Variants in TTC7A observed in about 807,000 individuals in gnomAD.
The protein encoded by TTC7A is tetratricopeptide repeat domain 7A.
TTC7A carries 110 observed loss-of-function variants against 103.7 expected under a neutral mutation model. The observed-to-expected ratio is 1.06, with a 90% CI of 0.91 to 1.24. The LOEUF is 1.24. Among genes scored for constraint, TTC7A ranks in the 50% most tolerant of loss-of-function variants. The probability of loss-of-function intolerance (pLI) is 0.00; values close to 1 mark genes in which losing one functional copy is unlikely to be tolerated. For synonymous variants in TTC7A, 521 were observed against 467.9 expected (o/e 1.11, Z -1.47); for missense variants, 1,340 against 1,116.3 (o/e 1.20, Z -2.86).
intron 4 of TTC7A, among the ~76,000 whole-genome samples, chr2:46,977,264 C>T (rs1346279602): frequency 1.3e-5 from 2 of 152,192 alleles, no homozygotes; most frequent in Non-Finnish European, 2.9e-5. Context: ...GAGGGCAGGC[C>T]ACAGAATCTT....
chr2:47,004,141 A>T (rs1025774128), intron 8 of TTC7A, among the ~76,000 whole-genome samples: 1 of 152,124 alleles, frequency 6.6e-6, no homozygotes, highest in African/African-American at 2.4e-5. Flanking sequence ...ATTTCCGGGC[A>T]TCCCGGCACC....
At chr2:46,974,546 A>G in intron 3 of TTC7A, 2 of 416,946 alleles carry the variant, frequency 4.8e-6, no homozygotes, top group South Asian at 1.8e-5. Context: ...CTTGCTGTGT[A>G]GGGAGTGTCT....
chr2:46,987,707 C>T (rs910087080), intron 5 of TTC7A, among the ~76,000 whole-genome samples: 1 of 152,064 alleles, frequency 6.6e-6, no homozygotes, highest in East Asian at 1.9e-4. Flanking sequence ...CTCACTGCAC[C>T]AAAATCAAAC....
In TTC7A at chr2:47,074,167, T is replaced by TGA. The variant is rs1262126235; in HGVS notation, c.*245_*246dup. 1.8e-6 allele frequency: 1 copy of TGA among 543,284 alleles called. No homozygotes were observed. The highest frequency in any genetic ancestry group is 3.2e-5 in the East Asian group (1 of 31,418). The allele number at this position is 543,284 out of a possible 1,614,324, so 33.7% of individuals were successfully genotyped here. A position where few individuals can be genotyped will look rare whatever the true frequency, so the allele number is the denominator to read the frequency against. On this transcript the variant is annotated 3_prime_UTR_variant, in exon 20 of 20. Coordinates refer to ENST00000319190, the MANE Select transcript of TTC7A (RefSeq NM_020458.4). ...TAAGTGCCTTTGGAGAGTTTTGTGG[T>TGA]GACCAGACTTGCTCCCCAAGAGCTG... is the stretch of plus-strand genomic sequence containing the variant.
At chr2:47,034,750 C>G (rs1037499525) in intron 15 of TTC7A, among the ~76,000 whole-genome samples, 2 of 152,174 alleles carry the variant, frequency 1.3e-5, no homozygotes, top group African/African-American at 4.8e-5. Flanking sequence ...CTTCCCACCC[C>G]CTGGAACCTC....
At position 47,014,018 on chromosome 2, in the gene TTC7A, T is replaced by C. The variant is rs768193330; in HGVS notation, c.1392+2583T>C. On this transcript the variant is annotated intron_variant, in intron 11 of 19. Transcript: ENST00000319190. ...TGTCTTGGATACAGATCACATCACA[T>C]TGTGATCATCTGTGTTTCTTGAGTG... 5.3e-5 allele frequency among the ~76,000 whole-genome samples: 8 copies of C among 152,308 alleles called. No individual in the cohort carries two copies. The Middle Eastern group carries it at 0.01, about 194-fold the overall frequency.
Position 47,029,316 on chromosome 2 carries a change from C to G in TTC7A, c.1734C>G (p.Ala578=). 3 of 1,614,088 alleles carry G rather than the reference C, an allele frequency of 1.9e-6. No individual in the cohort carries two copies. The highest frequency in any genetic ancestry group is 1.7e-6 in the Non-Finnish European group (2 of 1,180,032). The stretch of plus-strand genomic sequence containing the variant: ...ACCTGCTGGCACTGCTCTTCTCTGC[C>G]CAGAAGCACCACCAGCATGCCCTGG... ...ALHLLALLFS[A]QKHHQHALDV... Residue 578 remains alanine (A), a synonymous_variant, in exon 15 of 20, where the codon GCC becomes GCG. Coordinates refer to ENST00000319190, the MANE Select transcript of TTC7A (RefSeq NM_020458.4).
intron 19 of TTC7A, chr2:47,071,004 T>TA (rs1429066066): frequency 1.3e-5 from 2 of 152,066 alleles, no homozygotes; most frequent in African/African-American, 4.8e-5. Context: ...CTTGGGACAT[T>TA]TGGATGAAAT....
chr2:46,964,851 G>A (rs1176458647), intron 3 of TTC7A, among the ~76,000 whole-genome samples: 1 of 152,094 alleles, frequency 6.6e-6, no homozygotes, highest in Non-Finnish European at 1.5e-5. Flanking sequence ...ATTCTACCTT[G>A]AGCCTGGCAG....
rs528112033 is a variant in TTC7A, at chr2:47,032,941, G to A, written c.1802+3557G>A. Among the ~76,000 whole-genome samples the A allele has an allele frequency of 7.3e-5, 11 of 151,682 alleles. 2 individuals are homozygous for A. The highest frequency in any genetic ancestry group is 2.7e-4 in the African/African-American group (11 of 41,326). On this transcript the variant is annotated intron_variant, in intron 15 of 19. Coordinates refer to ENST00000319190, the MANE Select transcript of TTC7A (RefSeq NM_020458.4). ...AATACTATATATATGGCTGGGGTGG[G>A]GCTGAGAAGTCCATGTACCGCCAGA...
At chr2:46,993,070 C>T (rs750239496) in intron 5 of TTC7A, among the ~76,000 whole-genome samples, 10 of 152,324 alleles carry the variant, frequency 6.6e-5, no homozygotes, top group East Asian at 1.9e-4. Context: ...CAGCATCAAT[C>T]GGATACAGCA....
intron 8 of TTC7A, among the ~76,000 whole-genome samples, chr2:47,001,730 G>T (rs865824681): frequency 1.3e-5 from 2 of 152,002 alleles, no homozygotes; most frequent in Non-Finnish European, 2.9e-5. Flanking sequence ...GTGGTGGTGG[G>T]TGCCTGTAAT....
In TTC7A at chr2:46,995,181, C is replaced by A. The variant is rs1376842670; in HGVS notation, c.1047C>A (p.Leu349=). ...ACATCGAGGAAGCCCTCCTGCTCCT[C>A]CTCATCAGCGAATCCATGGTAAGCT... ...KDNIEEALLL[L]LISESMATRD... is the part of the protein sequence containing the mutation. The change falls in exon 8 of 20, where the codon CTC becomes CTA. Residue 349 remains leucine (L), a synonymous_variant. Transcript: ENST00000319190. 1 of 1,614,210 alleles carries A rather than the reference C, an allele frequency of 6.2e-7. No homozygotes were observed. Among genetic ancestry groups the A allele is most frequent in the East Asian group, 2.2e-5 (1 of 44,876 alleles).
At chr2:47,053,195 C>G (rs969400650) in intron 18 of TTC7A, among the ~76,000 whole-genome samples, 1 of 151,928 alleles carries the variant, frequency 6.6e-6, no homozygotes, top group African/African-American at 2.4e-5. Flanking sequence ...GCTGCACTTG[C>G]TCCACAGTCA....
chr2:47,010,855 A>G (rs72806578), intron 10 of TTC7A, among the ~76,000 whole-genome samples: 4 of 152,052 alleles, frequency 2.6e-5, no homozygotes, highest in Non-Finnish European at 5.9e-5. Flanking sequence ...ACACGCCTCC[A>G]CACCTGGCTA....
chr2:47,067,863 G>C (rs911102109), intron 19 of TTC7A: 1 of 152,120 alleles, frequency 6.6e-6, no homozygotes, highest in African/African-American at 2.4e-5. Context: ...TTGGTTCTCG[G>C]GGGGGAGTGG....
At chr2:46,935,673 C>T (rs1669942987) in intron 2 of TTC7A, among the ~76,000 whole-genome samples, 1 of 152,188 alleles carries the variant, frequency 6.6e-6, no homozygotes, top group South Asian at 2.1e-4. Context: ...CACTGCAGTC[C>T]AAGACCCCTG....
chr2:47,069,717 C>T (rs914242860), intron 19 of TTC7A, among the ~76,000 whole-genome samples: 3 of 152,188 alleles, frequency 2.0e-5, no homozygotes, highest in African/African-American at 4.8e-5. Context: ...TGAGAGAATC[C>T]GGAATGCCAG....
intron 15 of TTC7A, among the ~76,000 whole-genome samples, chr2:47,045,766 C>T (rs548758777): frequency 3.9e-5 from 6 of 152,312 alleles, no homozygotes; most frequent in East Asian, 3.9e-4. Context: ...TGCTTGGGCA[C>T]CTATACTGTT....
Sources: allele counts gnomAD v4.1 joint callset (sites outside exome capture counted in the v4.1 genomes callset), GRCh38; gene constraint gnomAD v4.1.1; transcripts MANE v1.5; gene names NCBI Gene and HGNC (gene_info 2026-07-23, HGNC 2026-07-21).